Variants in KCNMB2 observed in about 807,000 individuals in gnomAD.
KCNMB2 encodes calcium-activated potassium channel subunit beta-2.
In KCNMB2, 9 loss-of-function variants were observed where a neutral mutation model predicts 24.5. The observed-to-expected ratio is 0.37, with a 90% CI of 0.22 to 0.64. The LOEUF is 0.64. Among genes scored for constraint, KCNMB2 ranks in the 30% least tolerant of loss-of-function variants. The probability of loss-of-function intolerance (pLI) is 0.63; values close to 1 mark genes in which losing one functional copy is unlikely to be tolerated. For missense variants in KCNMB2, 226 were observed against 284.3 expected (o/e 0.79, Z 1.47); for synonymous variants, 109 against 104.4 (o/e 1.04, Z -0.27).
intron 1 of KCNMB2, among the ~76,000 whole-genome samples, chr3:178,797,058 C>T (rs927575820): frequency 3.3e-5 from 5 of 152,018 alleles, no homozygotes; most frequent in African/African-American, 1.2e-4. Flanking sequence ...GGAGGCATTA[C>T]ACCTGATACT....
intron 1 of KCNMB2, among the ~76,000 whole-genome samples, chr3:178,708,243 C>T (rs1722341627): frequency 6.6e-6 from 1 of 152,054 alleles, no homozygotes; most frequent in African/African-American, 2.4e-5. Context: ...TGCATATACC[C>T]TCACAAGACT....
chr3:178,785,326 A>G lies in KCNMB2; in HGVS notation c.-67-22017A>G, dbSNP rs920996184. On this transcript the variant is annotated intron_variant, in intron 1 of 4. Coordinates refer to ENST00000452583, the MANE Select transcript of KCNMB2 (RefSeq NM_181361.3). ...TAGGAGAACTTTTTGGCAGTTTCTA[A>G]TAATACAATTTAAAATACACATATT... Among the ~76,000 whole-genome samples, 10 of 152,170 alleles carry G rather than the reference A, an allele frequency of 6.6e-5. No individual in the cohort carries two copies. The South Asian group carries it at 1.0e-3, about 16-fold the overall frequency.
chr3:178,774,878 C>CTA (rs1290507030), intron 1 of KCNMB2, among the ~76,000 whole-genome samples: 1 of 152,208 alleles, frequency 6.6e-6, no homozygotes, highest in African/African-American at 2.4e-5. Flanking sequence ...TGCATTCCTT[C>CTA]TACCTAGCAT....
chr3:178,580,151 G>C (rs141038806), intron 1 of KCNMB2, among the ~76,000 whole-genome samples: 1 of 152,138 alleles, frequency 6.6e-6, no homozygotes, highest in Non-Finnish European at 1.5e-5. Flanking sequence ...GAATCCATCA[G>C]CACATCAAAA....
intron 1 of KCNMB2, among the ~76,000 whole-genome samples, chr3:178,700,697 T>C (rs929038341): frequency 6.6e-6 from 1 of 152,126 alleles, no homozygotes; most frequent in African/African-American, 2.4e-5. Flanking sequence ...ACTCGTGACA[T>C]AGAAACAAGA....
At chr3:178,824,499 C>G (rs780139064) in intron 2 of KCNMB2, 219 of 153,938 alleles carry the variant, frequency 1.4e-3, no homozygotes, top group Non-Finnish European at 2.3e-3. Flanking sequence ...TCCCGAGTAG[C>G]TGGGACTACA....
At chr3:178,696,453 C>T (rs940795434) in intron 1 of KCNMB2, among the ~76,000 whole-genome samples, 2 of 152,128 alleles carry the variant, frequency 1.3e-5, no homozygotes, top group African/African-American at 4.8e-5. Context: ...TCCGCCTTGT[C>T]ATTTCTGATT....
intron 1 of KCNMB2, among the ~76,000 whole-genome samples, chr3:178,540,572 C>T (rs1337790431): frequency 4.6e-5 from 7 of 152,194 alleles, no homozygotes. Context: ...ACTGCCACCA[C>T]GCTGGCCTCC....
intron 1 of KCNMB2, among the ~76,000 whole-genome samples, chr3:178,763,934 A>C (rs1215607222): frequency 6.6e-6 from 1 of 152,180 alleles, no homozygotes; most frequent in Non-Finnish European, 1.5e-5. Context: ...AAATAGAGTG[A>C]CATATATCAA....
intron 1 of KCNMB2, among the ~76,000 whole-genome samples, chr3:178,538,215 C>T (rs949371356): frequency 6.6e-6 from 1 of 152,160 alleles, no homozygotes; most frequent in African/African-American, 2.4e-5. Flanking sequence ...ACCAGCCGAA[C>T]TCTCTTGGCT....
At chr3:178,673,160 A>G (rs1184515489) in intron 1 of KCNMB2, among the ~76,000 whole-genome samples, 1 of 152,034 alleles carries the variant, frequency 6.6e-6, no homozygotes, top group East Asian at 1.9e-4. Context: ...CTTCATTACA[A>G]TCATTCAGAA....
At chr3:178,705,797 C>G (rs533819514) in intron 1 of KCNMB2, among the ~76,000 whole-genome samples, 1 of 152,034 alleles carries the variant, frequency 6.6e-6, no homozygotes, top group African/African-American at 2.4e-5. Context: ...AAAGGAAATA[C>G]CAAAATTGGA....
At chr3:178,563,894 A>C (rs1460299221) in intron 1 of KCNMB2, among the ~76,000 whole-genome samples, 1 of 152,206 alleles carries the variant, frequency 6.6e-6, no homozygotes, top group African/African-American at 2.4e-5. Context: ...TGAATCATTC[A>C]AAATAGAAAT....
intron 1 of KCNMB2, among the ~76,000 whole-genome samples, chr3:178,743,653 A>G (rs1217146205): frequency 6.6e-6 from 1 of 152,060 alleles, no homozygotes; most frequent in South Asian, 2.1e-4. Flanking sequence ...CTGACAGTAG[A>G]GTGTTCTGAT....
intron 1 of KCNMB2, among the ~76,000 whole-genome samples, chr3:178,684,139 T>TAC (rs1440068339): frequency 6.6e-6 from 1 of 152,110 alleles, no homozygotes; most frequent in Admixed American, 6.5e-5. Context: ...GAAACTGTTC[T>TAC]ATATATATAC....
chr3:178,782,051 T>G (rs1312332936), intron 1 of KCNMB2, among the ~76,000 whole-genome samples: 1 of 121,156 alleles, frequency 8.3e-6, no homozygotes, highest in Non-Finnish European at 1.7e-5. Context: ...TTTGGTTTTT[T>G]GTTCTTGCGA....
At chr3:178,611,572 G>C (rs1293505080) in intron 1 of KCNMB2, among the ~76,000 whole-genome samples, 1 of 152,080 alleles carries the variant, frequency 6.6e-6, no homozygotes, top group Non-Finnish European at 1.5e-5. Flanking sequence ...GGACGTGGTG[G>C]CAGGTGCCTG....
intron 1 of KCNMB2, among the ~76,000 whole-genome samples, chr3:178,539,348 C>T (rs892167104): frequency 6.6e-6 from 1 of 151,900 alleles, no homozygotes; most frequent in Non-Finnish European, 1.5e-5. Flanking sequence ...AAAAATGCAT[C>T]AAAATTTTAA....
chr3:178,663,489 T>G (rs1481140968), intron 1 of KCNMB2, among the ~76,000 whole-genome samples: 5 of 152,294 alleles, frequency 3.3e-5, no homozygotes, highest in Admixed American at 3.3e-4. Context: ...AACTGCCACC[T>G]TATGAAACAG....
Sources: gnomAD v4.1 joint callset for allele counts (sites outside exome capture counted in the v4.1 genomes callset) on GRCh38, gnomAD v4.1.1 for gene constraint, MANE v1.5 for transcripts, NCBI Gene and HGNC (gene_info 2026-07-23, HGNC 2026-07-21) for gene names.